The following GNG12 variants were observed in gnomAD, a reference collection of about 807,000 sequenced individuals.
GNG12 encodes G protein subunit gamma 12, also known as guanine nucleotide-binding protein G(I)/G(S)/G(O) subunit gamma-12.
For missense variants in GNG12, 69 were observed against 83.8 expected, an observed-to-expected ratio of 0.82 and a Z score of 0.69; for synonymous variants, 28 against 29.7, an observed-to-expected ratio of 0.94 and a Z score of 0.19.
chr1:67,758,644 A>C (rs1243582664), intron 2 of GNG12, among the ~76,000 whole-genome samples: 1 of 152,214 alleles, frequency 6.6e-6, no homozygotes, highest in Non-Finnish European at 1.5e-5. Flanking sequence ...TGCTTGAAAG[A>C]TGAGGTTGGA....
chr1:67,718,524 C>G (rs142518882), intron 2 of GNG12, among the ~76,000 whole-genome samples: 3 of 152,180 alleles, frequency 2.0e-5, no homozygotes, highest in African/African-American at 7.2e-5. Context: ...GGCTGCCTTA[C>G]TAGACAGTGT....
At chr1:67,825,994 T>C (rs1016435250) in intron 1 of GNG12, among the ~76,000 whole-genome samples, 3 of 152,236 alleles carry the variant, frequency 2.0e-5, no homozygotes, top group Admixed American at 6.5e-5. Context: ...TTTCCTAGCA[T>C]ATATAATCAG....
chr1:67,787,070 T>TGTGTGTGTGTG (rs1491226955), intron 1 of GNG12, among the ~76,000 whole-genome samples: 58 of 139,658 alleles, frequency 4.2e-4, no homozygotes, highest in African/African-American at 1.5e-3. Context: ...TGTGTGTGTG[T>TGTGTGTGTGTG]ATAGTCCCCC....
chr1:67,754,636 G>A (rs1375135871), intron 2 of GNG12, among the ~76,000 whole-genome samples: 1 of 152,136 alleles, frequency 6.6e-6, no homozygotes, highest in East Asian at 1.9e-4. Flanking sequence ...AAAGTTGACT[G>A]TGACCCTCCC....
chr1:67,787,523 A>ACTTC (rs1167921009), intron 1 of GNG12, among the ~76,000 whole-genome samples: 2 of 152,204 alleles, frequency 1.3e-5, no homozygotes, highest in Non-Finnish European at 2.9e-5. Context: ...CACAGGACCA[A>ACTTC]CGGAAATGAC....
At position 67,790,703 on chromosome 1, in the gene GNG12, G is replaced by A. The variant is rs113622008; in HGVS notation, c.-76-13196C>T. ...CGGCTCTCTGTAACCTCTGCCTCCC[G>A]GGTTCAAGCAATTCTCCTGCCTCAG... On this transcript the variant is annotated intron_variant, in intron 1 of 3. Transcript: ENST00000370982. Among the ~76,000 whole-genome samples, 579 of 151,482 alleles carry A rather than the reference G, an allele frequency of 3.8e-3. 3 individuals are homozygous for A. Among genetic ancestry groups the A allele is most frequent in the African/African-American group, 0.013 (526 of 41,280 alleles).
intron 2 of GNG12, among the ~76,000 whole-genome samples, chr1:67,708,231 G>A (rs538114499): frequency 1.3e-5 from 2 of 152,318 alleles, no homozygotes; most frequent in South Asian, 2.1e-4. Flanking sequence ...AATAAAGGGT[G>A]CTTATTTTTA....
At chr1:67,718,091 C>T (rs1646336734) in intron 2 of GNG12, among the ~76,000 whole-genome samples, 1 of 152,202 alleles carries the variant, frequency 6.6e-6, no homozygotes, top group Non-Finnish European at 1.5e-5. Flanking sequence ...CTATGACCAA[C>T]CCACTTCACA....
At chr1:67,709,924 TTATA>T (rs1172743916) in intron 2 of GNG12, among the ~76,000 whole-genome samples, 20 of 41,368 alleles carry the variant, frequency 4.8e-4, no homozygotes, top group African/African-American at 1.5e-3. Context: ...ATATATATAG[TTATA>T]TATATAGTTA....
rs997036920 is a variant in GNG12 at position 67,820,934 on chromosome 1, C to T, written c.-77+12410G>A. Among the ~76,000 whole-genome samples the T allele has an allele frequency of 5.3e-5, 8 of 152,176 alleles. No homozygotes were observed. In the South Asian group the frequency reaches 1.2e-3, roughly 24 times the overall value. On this transcript the variant is annotated intron_variant, in intron 1 of 3. Coordinates refer to ENST00000370982, the MANE Select transcript of GNG12 (RefSeq NM_018841.6). ...TTGATATTAAAGATGATGGATATTA[C>T]GTGACCACTATGATAATGATGTCAA...
intron 2 of GNG12, among the ~76,000 whole-genome samples, chr1:67,754,232 C>A (rs1646555133): frequency 6.6e-6 from 1 of 152,162 alleles, no homozygotes; most frequent in Non-Finnish European, 1.5e-5. Flanking sequence ...CCGGTCACCT[C>A]TTCAGCTTGG....
intron 1 of GNG12, among the ~76,000 whole-genome samples, chr1:67,783,376 T>C (rs1646748026): frequency 6.6e-6 from 1 of 152,196 alleles, no homozygotes; most frequent in Middle Eastern, 3.2e-3. Flanking sequence ...GTGAAATTAC[T>C]GGTTTTTGCT....
chr1:67,763,463 A>G (rs1446099035), intron 2 of GNG12, among the ~76,000 whole-genome samples: 1 of 151,704 alleles, frequency 6.6e-6, no homozygotes, highest in Non-Finnish European at 1.5e-5. Flanking sequence ...GGGTTTGCAC[A>G]TGTTTTTTCC....
chr1:67,804,938 G>A (rs1031958469), intron 1 of GNG12, among the ~76,000 whole-genome samples: 1 of 152,078 alleles, frequency 6.6e-6, no homozygotes, highest in African/African-American at 2.4e-5. Flanking sequence ...GGGGGAGGGT[G>A]AAAAAAGCAT....
At chr1:67,797,568 T>C (rs1011724075) in intron 1 of GNG12, among the ~76,000 whole-genome samples, 4 of 152,202 alleles carry the variant, frequency 2.6e-5, no homozygotes, top group East Asian at 1.9e-4. Flanking sequence ...ACTCACTCCA[T>C]AGAAGACAAC....
chr1:67,777,114 C>A (rs141249774), intron 2 of GNG12: 1 of 152,256 alleles, frequency 6.6e-6, no homozygotes, highest in Middle Eastern at 3.4e-3. Context: ...CAACACACTA[C>A]AAGAAACTGT....
intron 2 of GNG12, among the ~76,000 whole-genome samples, chr1:67,715,364 C>G (rs942940566): frequency 6.6e-6 from 1 of 152,146 alleles, no homozygotes; most frequent in Non-Finnish European, 1.5e-5. Context: ...TTTGTTATGG[C>G]GTTCCTAGCA....
chr1:67,748,528 G>C (rs949510455), intron 2 of GNG12, among the ~76,000 whole-genome samples: 2 of 152,232 alleles, frequency 1.3e-5, no homozygotes, highest in African/African-American at 4.8e-5. Context: ...GGGGGGATAA[G>C]AAGAGAGGGT....
chr1:67,770,104 T>G (rs577630480), intron 2 of GNG12, among the ~76,000 whole-genome samples: 1 of 152,122 alleles, frequency 6.6e-6, no homozygotes, highest in Non-Finnish European at 1.5e-5. Flanking sequence ...CACCTCAAGA[T>G]GTAACAGATG....
Sources: gnomAD v4.1 joint callset for allele counts (sites outside exome capture counted in the v4.1 genomes callset) on GRCh38, gnomAD v4.1.1 for gene constraint, MANE v1.5 for transcripts, NCBI Gene and HGNC (gene_info 2026-07-23, HGNC 2026-07-21) for gene names.